ADGRB3: variants seen among roughly 807,000 people sequenced by gnomAD.
ADGRB3 encodes brain-specific angiogenesis inhibitor 3.
A neutral mutation model predicts 193.4 loss-of-function variants in ADGRB3; 37 were observed. That is an observed-to-expected ratio of 0.19 (90% CI 0.15 to 0.25). The LOEUF is 0.25. ADGRB3 is among the 10% of genes least tolerant of loss of function. The pLI is 1.00. For synonymous variants in ADGRB3, 690 were observed against 644.2 expected, an observed-to-expected ratio of 1.07 and a Z score of -1.08; for missense variants, 1,637 against 1,852.9, an observed-to-expected ratio of 0.88 and a Z score of 2.14.
chr6:69,321,047 T>C (rs1191812403), intron 20 of ADGRB3, among the ~76,000 whole-genome samples: 2 of 151,734 alleles, frequency 1.3e-5, no homozygotes, highest in Non-Finnish European at 3.0e-5. Flanking sequence ...TCATTCCTGC[T>C]CCCAATACCT....
intron 3 of ADGRB3, among the ~76,000 whole-genome samples, chr6:68,641,379 A>C (rs1021493434): frequency 2.6e-5 from 4 of 152,186 alleles, no homozygotes; most frequent in Non-Finnish European, 5.9e-5. Context: ...TTGTTTTGTA[A>C]GTGAAGACAA....
At position 68,915,768 on chromosome 6, in the gene ADGRB3, GA is replaced by G. The variant is rs139568532; in HGVS notation, c.758-14781del. Among the ~76,000 whole-genome samples the G allele has an allele frequency of 2.8e-3, 412 of 147,146 alleles. 1 individual carries two copies. Among genetic ancestry groups the G allele is most frequent in the Non-Finnish European group, 4.2e-3 (283 of 66,602 alleles). On this transcript the variant is annotated intron_variant, in intron 3 of 31. Coordinates refer to ENST00000370598, the MANE Select transcript of ADGRB3 (RefSeq NM_001704.3). Reference sequence around the variant, plus strand: ...CTGTCTGGAGCTTTGAGTGGGAGGGGAAAAAAAAAACTACCCAAGAAAAAAA... The same window carrying G: ...CTGTCTGGAGCTTTGAGTGGGAGGGGAAAAAAAAACTACCCAAGAAAAAAA...
chr6:68,802,348 G>A (rs1235882680), intron 3 of ADGRB3, among the ~76,000 whole-genome samples: 1 of 152,010 alleles, frequency 6.6e-6, no homozygotes, highest in African/African-American at 2.4e-5. Flanking sequence ...TAACATGTTG[G>A]CAATATAAAA....
intron 3 of ADGRB3, among the ~76,000 whole-genome samples, chr6:68,754,202 A>G (rs1191081041): frequency 1.3e-5 from 2 of 152,238 alleles, no homozygotes; most frequent in South Asian, 2.1e-4. Flanking sequence ...CTTCATGTTT[A>G]TCATGAGTTA....
chr6:68,658,441 C>T (rs1175178912), intron 3 of ADGRB3, among the ~76,000 whole-genome samples: 2 of 151,074 alleles, frequency 1.3e-5, no homozygotes, highest in African/African-American at 4.8e-5. Flanking sequence ...AATGTTTCTT[C>T]CACCTAGTGT....
intron 6 of ADGRB3, among the ~76,000 whole-genome samples, chr6:68,945,701 A>G (rs1767758379): frequency 6.6e-6 from 1 of 152,104 alleles, no homozygotes; most frequent in Non-Finnish European, 1.5e-5. Flanking sequence ...TAAAAATGGC[A>G]TTGATTGGTT....
intron 17 of ADGRB3, among the ~76,000 whole-genome samples, chr6:69,181,299 T>A (rs1051902929): frequency 4.0e-5 from 6 of 151,888 alleles, no homozygotes; most frequent in African/African-American, 9.7e-5. Flanking sequence ...AAAAAAAAAA[T>A]GTGTTAATGT....
At chr6:69,285,091 C>G (rs1168255436) in intron 20 of ADGRB3, among the ~76,000 whole-genome samples, 2 of 152,160 alleles carry the variant, frequency 1.3e-5, no homozygotes, top group African/African-American at 4.8e-5. Flanking sequence ...GTTCCTACTT[C>G]AGGTTTGTTT....
intron 30 of ADGRB3, among the ~76,000 whole-genome samples, chr6:69,372,905 C>G (rs1028476660): frequency 6.6e-6 from 1 of 151,768 alleles, no homozygotes; most frequent in African/African-American, 2.4e-5. Flanking sequence ...AGGTTCTCTG[C>G]GGTACATTTG....
At chr6:68,661,545 A>ATATATG in intron 3 of ADGRB3, among the ~76,000 whole-genome samples, 1 of 22,346 alleles carries the variant, frequency 4.5e-5, no homozygotes, top group East Asian at 6.9e-4. Flanking sequence ...ATACATATAT[A>ATATATG]TATATATATA....
At chr6:68,657,781 G>C (rs997521987) in intron 3 of ADGRB3, among the ~76,000 whole-genome samples, 1 of 151,352 alleles carries the variant, frequency 6.6e-6, no homozygotes, top group Admixed American at 6.6e-5. Flanking sequence ...ATGCAAATTT[G>C]TATAGATCTT....
At chr6:69,151,006 C>A (rs1430674410) in intron 17 of ADGRB3, among the ~76,000 whole-genome samples, 1 of 152,212 alleles carries the variant, frequency 6.6e-6, no homozygotes, top group Non-Finnish European at 1.5e-5. Context: ...ATTATGCTTT[C>A]TTCTCATCTT....
intron 20 of ADGRB3, among the ~76,000 whole-genome samples, chr6:69,275,863 G>A (rs897020146): frequency 4.6e-5 from 7 of 152,022 alleles, no homozygotes; most frequent in African/African-American, 1.4e-4. Context: ...AATTTCAAGG[G>A]CCAGTTCTTT....
chr6:68,882,477 GATC>G (rs1177757806), intron 3 of ADGRB3, among the ~76,000 whole-genome samples: 1 of 152,086 alleles, frequency 6.6e-6, no homozygotes, highest in Non-Finnish European at 1.5e-5. Context: ...ACAATGAAAT[GATC>G]ATGTTTTGAT....
chr6:68,900,698 C>A (rs551717496), intron 3 of ADGRB3, among the ~76,000 whole-genome samples: 45 of 152,192 alleles, frequency 3.0e-4, no homozygotes, highest in African/African-American at 9.1e-4. Flanking sequence ...AGCAATCTGG[C>A]TGCATCTATT....
intron 3 of ADGRB3, among the ~76,000 whole-genome samples, chr6:68,732,801 C>T (rs562313293): frequency 2.0e-5 from 3 of 151,840 alleles, no homozygotes; most frequent in Non-Finnish European, 2.9e-5. Flanking sequence ...TAAAGGCACT[C>T]GGGTACTTTT....
intron 17 of ADGRB3, among the ~76,000 whole-genome samples, chr6:69,112,538 T>C (rs1443998509): frequency 6.6e-6 from 1 of 152,124 alleles, no homozygotes; most frequent in Non-Finnish European, 1.5e-5. Context: ...TGTTTCTAGA[T>C]CATTAATAAA....
chr6:68,773,385 CTGAA>C (rs1219845100), intron 3 of ADGRB3, among the ~76,000 whole-genome samples: 3 of 152,100 alleles, frequency 2.0e-5, no homozygotes, highest in Admixed American at 6.6e-5. Context: ...CCCCAACTAT[CTGAA>C]TGAAGAGACA....
chr6:68,940,411 C>A (rs1179895183), intron 5 of ADGRB3, among the ~76,000 whole-genome samples: 2 of 151,964 alleles, frequency 1.3e-5, no homozygotes, highest in Admixed American at 1.3e-4. Context: ...CAAGTTGTGA[C>A]AACCAAATAT....
Sources: gnomAD v4.1 joint callset for allele counts (sites outside exome capture counted in the v4.1 genomes callset) on GRCh38, gnomAD v4.1.1 for gene constraint, MANE v1.5 for transcripts, NCBI Gene and HGNC (gene_info 2026-07-23, HGNC 2026-07-21) for gene names.